MREG: variants seen among roughly 807,000 people sequenced by gnomAD.
MREG encodes dilute suppressor protein homolog.
In MREG, 31 loss-of-function variants were observed where a neutral mutation model predicts 28.5. The ratio of observed to expected loss-of-function variants is 1.09; its 90% CI spans 0.82 to 1.47. MREG has a LOEUF of 1.47. MREG is among the 40% of genes most tolerant of loss of function. MREG has a pLI of 0.00. For missense variants in MREG, 256 were observed against 257.4 expected (o/e 0.99, Z 0.04); for synonymous variants, 106 against 95.2 (o/e 1.11, Z -0.66).
chr2:215,980,284 A>G (rs538740767), intron 2 of MREG, among the ~76,000 whole-genome samples: 1 of 152,174 alleles, frequency 6.6e-6, no homozygotes, highest in East Asian at 1.9e-4. Flanking sequence ...CTTGGCCTTC[A>G]TATATCTTTC....
chr2:216,024,939 AAGGGAAAGG>A (rs1321851713), intron 1 of MREG, among the ~76,000 whole-genome samples: 1 of 111,654 alleles, frequency 9.0e-6, no homozygotes, highest in Non-Finnish European at 1.8e-5. Flanking sequence ...AACGGAAAGG[AAGGGAAAGG>A]AAGGGAAAGG....
In MREG at chr2:216,007,461, G is replaced by A. The variant is rs572818897; in HGVS notation, c.95+5772C>T. Among the ~76,000 whole-genome samples the A allele has an allele frequency of 1.7e-3, 260 of 149,418 alleles. 4 individuals carry two copies. Among genetic ancestry groups the A allele is most frequent in the Admixed American group, 0.011 (158 of 14,986 alleles). ...TTTATTTATTTTGAGATGGAGTCTC[G>A]CTCTGTCACCCAGGCTGGAGTGCAG... On this transcript the variant is annotated intron_variant, in intron 1 of 4. Coordinates refer to ENST00000263268, the MANE Select transcript of MREG (RefSeq NM_018000.3).
chr2:215,994,658 A>C (rs185239959), intron 2 of MREG, among the ~76,000 whole-genome samples: 165 of 149,946 alleles, frequency 1.1e-3, no homozygotes, highest in South Asian at 6.4e-3. Context: ...AAGCTTCTGG[A>C]GGACCCATCA....
intron 1 of MREG, among the ~76,000 whole-genome samples, chr2:216,032,155 C>A (rs1267043585): frequency 6.6e-6 from 1 of 152,154 alleles, no homozygotes; most frequent in African/African-American, 2.4e-5. Context: ...CAAATCCTTG[C>A]TATTTAAGTC....
chr2:216,033,641 A>G (rs1237028891), upstream of MREG: 1 of 152,370 alleles, frequency 6.6e-6, no homozygotes, highest in Non-Finnish European at 1.5e-5. Flanking sequence ...CTCAAGGAGA[A>G]CAAGTCTGAA....
At chr2:215,969,422 C>T (rs982468166) in intron 2 of MREG, among the ~76,000 whole-genome samples, 1 of 152,156 alleles carries the variant, frequency 6.6e-6, no homozygotes, top group Non-Finnish European at 1.5e-5. Context: ...GATTTCACCC[C>T]CTTTACAAGC....
At chr2:216,002,645 G>A (rs537829136) in intron 1 of MREG, among the ~76,000 whole-genome samples, 4 of 152,282 alleles carry the variant, frequency 2.6e-5, no homozygotes, top group East Asian at 1.9e-4. Context: ...CTAGGAAGTC[G>A]CTGGCCTGCT....
In MREG at chr2:215,943,765, C is replaced by T. The variant is rs545322993; in HGVS notation, c.*1098G>A. ...CTGAGGCAGGGGAATCACTTGAAACCGGAAGGCGGAGGTTGCAGTGAGCCG... is the reference window on the plus strand; with the variant it reads ...CTGAGGCAGGGGAATCACTTGAAACTGGAAGGCGGAGGTTGCAGTGAGCCG... On this transcript the variant is annotated 3_prime_UTR_variant, in exon 5 of 5. Coordinates refer to ENST00000263268, the MANE Select transcript of MREG (RefSeq NM_018000.3). 5 of 230,896 alleles carry T rather than the reference C, an allele frequency of 2.2e-5. No individual in the cohort carries two copies. Among genetic ancestry groups the T allele is most frequent in the East Asian group, 1.1e-4 (1 of 8,768 alleles). 14.3% of individuals were successfully genotyped at this position (230,896 alleles called of 1,614,324 possible).
At position 216,013,226 on chromosome 2, in the gene MREG, C is replaced by T; in HGVS notation, c.95+7G>A. 1 of 1,548,636 alleles carries T rather than the reference C, an allele frequency of 6.5e-7. No homozygotes were observed. The highest frequency in any genetic ancestry group is 1.2e-5 in the South Asian group (1 of 84,030). The stretch of plus-strand genomic sequence containing the variant: ...AGCCCAGATCCCGGCCCGGGCGGCG[C>T]ACCCACCTGACGAGGGGCTCCTTCT... On this transcript the variant is annotated splice_region_variant and intron_variant, in intron 1 of 4. Transcript: ENST00000263268.
chr2:216,005,444 C>CTTTTTTTTTTTTTTT (rs58288878), intron 1 of MREG, among the ~76,000 whole-genome samples: 17 of 86,328 alleles, frequency 2.0e-4, no homozygotes, highest in Non-Finnish European at 3.6e-4. Context: ...TCTAGTTATT[C>CTTTTTTTTTTTTTTT]TTTTTTTTTT....
At chr2:215,980,843 AGGAGG>A (rs1242675882) in intron 2 of MREG, among the ~76,000 whole-genome samples, 26 of 77,136 alleles carry the variant, frequency 3.4e-4, no homozygotes, top group Middle Eastern at 9.3e-3. Flanking sequence ...AGAAGCAGAG[AGGAGG>A]GGAGGGGAGG....
In MREG at chr2:215,969,120, C is replaced by T. The variant is rs1447262151; in HGVS notation, c.256-22007G>A. Among the ~76,000 whole-genome samples the T allele has an allele frequency of 7.2e-5, 11 of 152,030 alleles. No homozygotes were observed. In the East Asian group the frequency reaches 1.7e-3, roughly 24 times the overall value. Reference sequence around the variant, plus strand: ...ACATCAGATTTGAGTTTTAAAGGGGCCTTTAGTAGCCCAACACAATGTTTT... The same window carrying T: ...ACATCAGATTTGAGTTTTAAAGGGGTCTTTAGTAGCCCAACACAATGTTTT... On this transcript the variant is annotated intron_variant, in intron 2 of 4. Transcript: ENST00000263268.
upstream of MREG, among the ~76,000 whole-genome samples, chr2:216,015,439 G>T (rs917846217): frequency 3.4e-4 from 52 of 152,156 alleles, no homozygotes; most frequent in African/African-American, 1.3e-3. Flanking sequence ...AGAGAAGGGG[G>T]CCATGGAAAG....
At chr2:215,989,413 G>A (rs550558523) in intron 2 of MREG, among the ~76,000 whole-genome samples, 2 of 152,264 alleles carry the variant, frequency 1.3e-5, no homozygotes, top group African/African-American at 4.8e-5. Flanking sequence ...AAAGACCGAA[G>A]GTAGATAAAT....
intron 2 of MREG, among the ~76,000 whole-genome samples, chr2:215,968,107 G>A (rs1692994953): frequency 6.6e-6 from 1 of 152,202 alleles, no homozygotes; most frequent in Admixed American, 6.5e-5. Flanking sequence ...GTCTCCAGAA[G>A]GAGGTATCCC....
In MREG at chr2:215,943,447, C is replaced by A. The variant is rs373377568; in HGVS notation, c.*1416G>T. 3.7e-5 allele frequency: 17 copies of A among 456,602 alleles called. No individual in the cohort carries two copies. Among genetic ancestry groups the A allele is most frequent in the Middle Eastern group, 3.2e-4 (1 of 3,098 alleles). 28.3% of individuals were successfully genotyped at this position (456,602 alleles called of 1,614,324 possible). On this transcript the variant is annotated 3_prime_UTR_variant, in exon 5 of 5. Coordinates refer to ENST00000263268, the MANE Select transcript of MREG (RefSeq NM_018000.3). The stretch of plus-strand genomic sequence containing the variant: ...TGCAAGTCTGCATGAGAGGTCCCCC[C>A]ACAGGTGCAGCTGCCAGCCAACGAA...
At chr2:215,945,470 G>T in intron 4 of MREG, 101 bp downstream of exon 4, 1 of 1,381,028 alleles carries the variant, frequency 7.2e-7, no homozygotes, top group South Asian at 1.4e-5. Context: ...CCTCATATGT[G>T]ATAGTGATGG....
chr2:215,964,446 C>T (rs1449573148), intron 2 of MREG, among the ~76,000 whole-genome samples: 1 of 151,388 alleles, frequency 6.6e-6, no homozygotes, highest in Admixed American at 6.6e-5. Context: ...ATTACACCAC[C>T]GCACGCTAGC....
chr2:215,969,972 G>A (rs748581732), intron 2 of MREG, among the ~76,000 whole-genome samples: 5 of 152,188 alleles, frequency 3.3e-5, no homozygotes, highest in Non-Finnish European at 7.3e-5. Context: ...TTAGGATAGA[G>A]TTAAAAATTC....
Sources: allele counts gnomAD v4.1 joint callset (sites outside exome capture counted in the v4.1 genomes callset), GRCh38; gene constraint gnomAD v4.1.1; transcripts MANE v1.5; gene names NCBI Gene and HGNC (gene_info 2026-07-23, HGNC 2026-07-21).